The following QTGAL variants were observed in gnomAD, a reference collection of about 807,000 sequenced individuals.
QTGAL encodes BGnT-like protein 1.
At chr17:82,947,344 T>A in the QTGAL span, 1 of 259,562 alleles carries the variant, frequency 3.9e-6, no homozygotes, top group African/African-American at 2.2e-5. Flanking sequence ...CCCACCCCTC[T>A]GCACAGGCCA....
At chr17:83,005,164 C>T in the QTGAL span, 502 of 1,610,722 alleles carry the variant, frequency 3.1e-4, 3 homozygotes, top group African/African-American at 6.0e-3. The surrounding 1 kb of genome is among the most constrained non-coding windows in gnomAD (Gnocchi z 5.6). Context: ...ACGTGTGTAT[C>T]GTTCGGTGGA....
chr17:82,962,526 C>T, the QTGAL span, among the ~76,000 whole-genome samples: 52 of 132,082 alleles, frequency 3.9e-4, no homozygotes, highest in South Asian at 5.3e-4. Context: ...GAGGCTCCCG[C>T]GGGTGCTGGT....
chr17:82,960,624 C>T, the QTGAL span: 1 of 165,510 alleles, frequency 6.0e-6, no homozygotes, highest in Non-Finnish European at 1.3e-5. Flanking sequence ...GAGGCGGACC[C>T]CGCAGCACTG....
At chr17:82,960,689 C>T in the QTGAL span, among the ~76,000 whole-genome samples, 2 of 152,196 alleles carry the variant, frequency 1.3e-5, no homozygotes, top group Non-Finnish European at 2.9e-5. Context: ...CCACCCTCCA[C>T]GGCAGCTGCG....
At chr17:82,945,006 G>A in the QTGAL span, 1 of 152,208 alleles carries the variant, frequency 6.6e-6, no homozygotes, top group Non-Finnish European at 1.5e-5. Flanking sequence ...AAATTTGATT[G>A]ACTTGGCCCT....
At chr17:82,996,570 C>A in the QTGAL span, among the ~76,000 whole-genome samples, 1 of 150,728 alleles carries the variant, frequency 6.6e-6, no homozygotes, top group Non-Finnish European at 1.5e-5. Context: ...TTATATGAAA[C>A]CACAGAAGAA....
At chr17:83,030,100 G>T in the QTGAL span, among the ~76,000 whole-genome samples, 1 of 152,162 alleles carries the variant, frequency 6.6e-6, no homozygotes, top group African/African-American at 2.4e-5. Flanking sequence ...TGAACCAAGG[G>T]TCGTGATTAA....
chr17:83,005,041 C>T, the QTGAL span: 3 of 1,264,734 alleles, frequency 2.4e-6, no homozygotes, highest in South Asian at 2.9e-5. The surrounding 1 kb of genome is among the most constrained non-coding windows in gnomAD (Gnocchi z 5.6). Context: ...CACAAGAGGC[C>T]ACAGCATAAT....
At chr17:82,984,291 C>CG in the QTGAL span, among the ~76,000 whole-genome samples, 31 of 51,718 alleles carry the variant, frequency 6.0e-4, 3 homozygotes, top group East Asian at 2.0e-3. Flanking sequence ...CGTGAGCACA[C>CG]GGGGGAGAGG....
At chr17:82,946,864 G>C in the QTGAL span, 1 of 1,523,526 alleles carries the variant, frequency 6.6e-7, no homozygotes, top group Non-Finnish European at 8.9e-7. Flanking sequence ...ATGGTTCTTC[G>C]GTGAAAAGAC....
chr17:82,945,205 AAG>A, the QTGAL span: 3 of 152,278 alleles, frequency 2.0e-5, no homozygotes, highest in African/African-American at 7.2e-5. Context: ...GACACAGCTG[AAG>A]AGAGAATTAG....
the QTGAL span, among the ~76,000 whole-genome samples, chr17:82,965,177 A>G: frequency 1.2e-3 from 101 of 86,742 alleles, 1 homozygote; most frequent in South Asian, 3.6e-3. Flanking sequence ...ATGGGGACAC[A>G]GACGCCTGCA....
the QTGAL span, among the ~76,000 whole-genome samples, chr17:82,950,714 T>G: frequency 6.6e-6 from 1 of 152,346 alleles, no homozygotes; most frequent in East Asian, 1.9e-4. Flanking sequence ...GGATGCTGTG[T>G]CAGCACAAAA....
At chr17:83,045,149 C>A in the QTGAL span, among the ~76,000 whole-genome samples, 62,004 of 151,962 alleles carry the variant, frequency 0.41, 12,702 homozygotes, top group East Asian at 0.58. Context: ...GAAATGAGCA[C>A]TCTCAAAGAA....
the QTGAL span, among the ~76,000 whole-genome samples, chr17:82,965,051 CATGG>C: frequency 1.4e-5 from 2 of 146,562 alleles, no homozygotes; most frequent in South Asian, 2.2e-4. Context: ...AGGACGGGGA[CATGG>C]ACGCCTGCAG....
the QTGAL span, among the ~76,000 whole-genome samples, chr17:82,975,123 A>C: frequency 0.012 from 773 of 63,794 alleles, 45 homozygotes; most frequent in Middle Eastern, 0.032. Context: ...ACAGAGCCGG[A>C]CTCCATCCTC....
the QTGAL span, among the ~76,000 whole-genome samples, chr17:83,045,053 C>G: frequency 6.6e-6 from 1 of 151,888 alleles, no homozygotes; most frequent in East Asian, 1.9e-4. Flanking sequence ...CCACAAAGAA[C>G]AAACTATTAA....
the QTGAL span, among the ~76,000 whole-genome samples, chr17:83,024,960 C>T: frequency 5.3e-5 from 8 of 152,348 alleles, no homozygotes; most frequent in Non-Finnish European, 8.8e-5. Context: ...CCGCAGTCCT[C>T]GTTTCAGGAG....
chr17:82,974,518 C>T, the QTGAL span, among the ~76,000 whole-genome samples: 3 of 152,210 alleles, frequency 2.0e-5, no homozygotes, highest in Non-Finnish European at 2.9e-5. Flanking sequence ...AGCTGCGTCC[C>T]CTCGTGAGGG....
Sources: allele counts gnomAD v4.1 joint callset (sites outside exome capture counted in the v4.1 genomes callset), GRCh38; gene constraint gnomAD v4.1.1; non-coding constraint Gnocchi (gnomAD v3.1); transcripts MANE v1.5; gene names NCBI Gene and HGNC (gene_info 2026-07-23, HGNC 2026-07-21).